The following IL1R1 variants were observed in gnomAD, a reference collection of about 807,000 sequenced individuals.
The protein encoded by IL1R1 is interleukin-1 receptor type 1.
Under a neutral mutation model 50.2 loss-of-function variants are expected in IL1R1, and 22 were observed. The ratio of observed to expected loss-of-function variants is 0.44; its 90% CI spans 0.31 to 0.63. IL1R1 has a LOEUF of 0.63. Among genes scored for constraint, IL1R1 ranks in the 20% least tolerant of loss-of-function variants. The pLI, the probability that IL1R1 is intolerant of heterozygous loss-of-function variation, is 0.07. For missense variants in IL1R1, 509 were observed against 676.2 expected, an observed-to-expected ratio of 0.75 and a Z score of 2.74; for synonymous variants, 251 against 236.7, an observed-to-expected ratio of 1.06 and a Z score of -0.55.
At chr2:102,072,978 G>T (rs1013385152) in intron 1 of IL1R1, among the ~76,000 whole-genome samples, 2 of 152,272 alleles carry the variant, frequency 1.3e-5, no homozygotes, top group East Asian at 3.9e-4. Flanking sequence ...GGGGCTGTGG[G>T]TATAGAAACT....
At position 102,173,005 on chromosome 2, in the gene IL1R1, A is replaced by T. The variant is rs569748255; in HGVS notation, c.991+167A>T. The stretch of plus-strand genomic sequence containing the variant: ...TTCTGCTGAACTCTCTCTTCTTGGA[A>T]GCTTTTCTGTCCTGCTGCCTGCCCT... On this transcript the variant is annotated intron_variant, in intron 9 of 11. Transcript: ENST00000410023. Among the ~76,000 whole-genome samples the T allele has an allele frequency of 1.8e-3, 271 of 152,250 alleles. 1 individual carries two copies. The highest frequency in any genetic ancestry group is 3.3e-3 in the Non-Finnish European group (226 of 68,030).
intron 1 of IL1R1, among the ~76,000 whole-genome samples, chr2:102,107,597 A>G (rs1680491915): frequency 6.6e-6 from 1 of 152,156 alleles, no homozygotes; most frequent in South Asian, 2.1e-4. Flanking sequence ...CATATGTAAC[A>G]AACCTGCATG....
upstream of IL1R1, among the ~76,000 whole-genome samples, chr2:102,102,872 A>G (rs569762734): frequency 3.3e-4 from 50 of 152,320 alleles, no homozygotes; most frequent in East Asian, 8.3e-3. Flanking sequence ...ACTGGAGGCC[A>G]TTCTTCTGAG....
upstream of IL1R1, among the ~76,000 whole-genome samples, chr2:102,101,830 C>T (rs1007801817): frequency 1.3e-5 from 2 of 152,190 alleles, no homozygotes; most frequent in Admixed American, 6.5e-5. Flanking sequence ...TATACTTTAG[C>T]ATTCATAAAG....
In IL1R1 at chr2:102,073,036, C is replaced by G. The variant is rs1678801953; in HGVS notation, c.-84+2503C>G. On this transcript the variant is annotated intron_variant, in intron 1 of 11. Transcript: ENST00000409929. ...TACCATGATGCCTTTTCCCTGTCCTCATTTTTCTTAAATGTTTTCATTTAA... is the reference window on the plus strand; with the variant it reads ...TACCATGATGCCTTTTCCCTGTCCTGATTTTTCTTAAATGTTTTCATTTAA... Among the ~76,000 whole-genome samples the G allele has an allele frequency of 5.3e-5, 8 of 152,258 alleles. No individual in the cohort carries two copies. In the South Asian group the frequency reaches 1.7e-3, roughly 32 times the overall value.
At chr2:102,095,942 G>T (rs1193852958) in intron 1 of IL1R1, among the ~76,000 whole-genome samples, 1 of 152,158 alleles carries the variant, frequency 6.6e-6, no homozygotes, top group Non-Finnish European at 1.5e-5. Flanking sequence ...GGCGGAGCTT[G>T]CAGTGAGCCG....
At chr2:102,124,040 A>C (rs1289176361) in intron 1 of IL1R1, among the ~76,000 whole-genome samples, 2 of 152,122 alleles carry the variant, frequency 1.3e-5, no homozygotes, top group Non-Finnish European at 2.9e-5. Flanking sequence ...TACCTCCTCT[A>C]TTCTTGAGGC....
chr2:102,176,829 A>C lies in IL1R1; in HGVS notation c.*70A>C, dbSNP rs761937119. ...GGCGTTGCAGGCCAGGTTATGCCTC[A>C]TGCTGACTTGCAGAGTTCATGGAAT... On this transcript the variant is annotated 3_prime_UTR_variant, in exon 12 of 12. Transcript: ENST00000410023. 7.1e-7 allele frequency: 1 copy of C among 1,409,110 alleles called. No homozygotes were observed. Among genetic ancestry groups the C allele is most frequent in the Non-Finnish European group, 9.9e-7 (1 of 1,013,986 alleles). 87.3% of individuals were successfully genotyped at this position (1,409,110 alleles called of 1,614,324 possible).
intron 1 of IL1R1, among the ~76,000 whole-genome samples, chr2:102,074,819 G>T (rs913913760): frequency 2.6e-5 from 4 of 152,086 alleles, no homozygotes; most frequent in Non-Finnish European, 5.9e-5. Context: ...TGCTCCAGAT[G>T]GAGGATTTGG....
intron 1 of IL1R1, among the ~76,000 whole-genome samples, chr2:102,108,941 T>A (rs1403286413): frequency 1.6e-5 from 2 of 128,250 alleles, no homozygotes; most frequent in African/African-American, 6.5e-5. Flanking sequence ...TTGAACTTGG[T>A]ACTGAATAAT....
At chr2:102,071,230 A>G (rs1390684487) in intron 1 of IL1R1, among the ~76,000 whole-genome samples, 1 of 152,178 alleles carries the variant, frequency 6.6e-6, no homozygotes, top group Non-Finnish European at 1.5e-5. Context: ...AGGAAGAAAT[A>G]AAAGCTCCCT....
chr2:102,119,850 G>A (rs919307328), intron 1 of IL1R1, among the ~76,000 whole-genome samples: 22 of 152,238 alleles, frequency 1.4e-4, no homozygotes, highest in African/African-American at 5.3e-4. Flanking sequence ...TCAAGTGTAC[G>A]ATACAGTATT....
intron 1 of IL1R1, among the ~76,000 whole-genome samples, chr2:102,114,066 C>T (rs916375017): frequency 2.0e-5 from 3 of 152,176 alleles, no homozygotes; most frequent in Non-Finnish European, 2.9e-5. Context: ...TATTTGGGCA[C>T]TGGTTTTTGA....
upstream of IL1R1, among the ~76,000 whole-genome samples, chr2:102,099,990 TG>T (rs1190281791): frequency 1.3e-5 from 2 of 152,174 alleles, no homozygotes; most frequent in African/African-American, 4.8e-5. Context: ...GTGGTAAGCT[TG>T]CCTGCTCTGC....
chr2:102,158,532 G>A (rs142948842), intron 3 of IL1R1, among the ~76,000 whole-genome samples: 94 of 152,286 alleles, frequency 6.2e-4, no homozygotes, highest in African/African-American at 1.8e-3. Flanking sequence ...ATTGGGGTGT[G>A]GAAATATTCC....
chr2:102,133,679 A>G (rs1219807436), intron 1 of IL1R1, among the ~76,000 whole-genome samples: 1 of 152,252 alleles, frequency 6.6e-6, no homozygotes, highest in Non-Finnish European at 1.5e-5. Context: ...AATTGTCTCA[A>G]CAGATGCAGA....
intron 1 of IL1R1, among the ~76,000 whole-genome samples, chr2:102,110,393 A>G (rs1438901503): frequency 6.6e-6 from 1 of 151,938 alleles, no homozygotes; most frequent in African/African-American, 2.4e-5. Flanking sequence ...GAGGCTGTGT[A>G]CACTTGTGAT....
At chr2:102,140,103 T>C (rs1682561278), upstream of IL1R1, among the ~76,000 whole-genome samples, 1 of 152,202 alleles carries the variant, frequency 6.6e-6, no homozygotes, top group African/African-American at 2.4e-5. Flanking sequence ...CCATACATTC[T>C]TCTGTACTCC....
chr2:102,174,052 G>C (rs1327587784), intron 9 of IL1R1, among the ~76,000 whole-genome samples: 2 of 151,982 alleles, frequency 1.3e-5, no homozygotes, highest in South Asian at 2.1e-4. Flanking sequence ...ATATTTAGAG[G>C]GTACTTTCTT....
Sources: gnomAD v4.1 joint callset for allele counts (sites outside exome capture counted in the v4.1 genomes callset) on GRCh38, gnomAD v4.1.1 for gene constraint, MANE v1.5 for transcripts, NCBI Gene and HGNC (gene_info 2026-07-23, HGNC 2026-07-21) for gene names.